NINJ2: variants seen among roughly 807,000 people sequenced by gnomAD.
NINJ2 encodes the protein ninjurin-2.
A neutral mutation model predicts 11.7 loss-of-function variants in NINJ2; 12 were observed. The ratio of observed to expected loss-of-function variants is 1.02; its 90% CI spans 0.66 to 1.66. NINJ2 has a LOEUF of 1.66. Among genes scored for constraint, NINJ2 ranks in the 40% most tolerant of loss-of-function variants. NINJ2 has a pLI of 0.00. For missense variants in NINJ2, 187 were observed against 181.8 expected (o/e 1.03, Z -0.16); for synonymous variants, 93 against 76.8 (o/e 1.21, Z -1.10).
intron 1 of NINJ2, among the ~76,000 whole-genome samples, chr12:629,984 T>C (rs889669980): frequency 6.8e-6 from 1 of 147,772 alleles, no homozygotes; most frequent in Non-Finnish European, 1.5e-5. Flanking sequence ...GTATTTTATG[T>C]GTGGGGCAAG....
intron 1 of NINJ2, chr12:610,247 G>GA: frequency 9.9e-7 from 1 of 1,008,372 alleles, no homozygotes; most frequent in South Asian, 1.4e-5. Context: ...TTGCGTGAGT[G>GA]AAACAGCCCC....
intron 1 of NINJ2, among the ~76,000 whole-genome samples, chr12:572,598 G>A (rs1177004240): frequency 6.6e-6 from 1 of 152,212 alleles, no homozygotes; most frequent in Non-Finnish European, 1.5e-5. Flanking sequence ...CACACTGTGT[G>A]CACACACAGT....
intron 1 of NINJ2, among the ~76,000 whole-genome samples, chr12:571,085 G>A (rs993124159): frequency 1.3e-5 from 2 of 152,172 alleles, no homozygotes; most frequent in Non-Finnish European, 2.9e-5. Context: ...CCCCTCCCCT[G>A]CCACTCAAGG....
intron 1 of NINJ2, among the ~76,000 whole-genome samples, chr12:624,365 T>C (rs1362635742): frequency 1.3e-5 from 2 of 152,250 alleles, no homozygotes; most frequent in African/African-American, 2.4e-5. Flanking sequence ...GTTAGGATAC[T>C]AGTGTATGGG....
At chr12:641,660 G>C (rs111292780) in intron 1 of NINJ2, among the ~76,000 whole-genome samples, 119 of 150,490 alleles carry the variant, frequency 7.9e-4, no homozygotes, top group African/African-American at 2.9e-3. Context: ...CTGGCTAACA[G>C]GGTGAAACCC....
At chr12:643,341 T>TGGGGA in intron 1 of NINJ2, 1 of 684,472 alleles carries the variant, frequency 1.5e-6, no homozygotes, top group Non-Finnish European at 1.8e-6. Flanking sequence ...CCGCGCCGGG[T>TGGGGA]GGGGAGGGGA....
At chr12:617,471 G>A (rs1948106709) in intron 1 of NINJ2, among the ~76,000 whole-genome samples, 1 of 152,208 alleles carries the variant, frequency 6.6e-6, no homozygotes, top group Non-Finnish European at 1.5e-5. Context: ...CACAACAGCT[G>A]ATGAGGCAAG....
At chr12:584,907 A>G (rs971514689) in intron 1 of NINJ2, among the ~76,000 whole-genome samples, 5 of 152,234 alleles carry the variant, frequency 3.3e-5, no homozygotes, top group East Asian at 1.9e-4. Context: ...CGGGTGGATC[A>G]GGAGTTCGAG....
intron 1 of NINJ2, among the ~76,000 whole-genome samples, chr12:590,380 G>A (rs1432283207): frequency 6.6e-6 from 1 of 152,214 alleles, no homozygotes; most frequent in East Asian, 1.9e-4. Flanking sequence ...GACTGGGTGA[G>A]CGATTGGATG....
At chr12:652,674 G>A (rs940495950) in intron 1 of NINJ2, among the ~76,000 whole-genome samples, 2 of 151,798 alleles carry the variant, frequency 1.3e-5, no homozygotes, top group African/African-American at 4.8e-5. Context: ...TCAGCCAGGC[G>A]TGGTGACTCA....
intron 1 of NINJ2, among the ~76,000 whole-genome samples, chr12:567,540 T>C (rs563447110): frequency 3.9e-5 from 6 of 152,318 alleles, no homozygotes; most frequent in African/African-American, 9.6e-5. Flanking sequence ...CGTGGATGAT[T>C]GGATAGGCAG....
chr12:620,157 G>A (rs374429221), intron 1 of NINJ2, among the ~76,000 whole-genome samples: 2 of 152,338 alleles, frequency 1.3e-5, no homozygotes, highest in East Asian at 3.9e-4. Flanking sequence ...GTATGGGAGT[G>A]GGAAACTGGA....
chr12:610,691 G>T (rs987778567), intron 1 of NINJ2: 6 of 903,292 alleles, frequency 6.6e-6, no homozygotes, highest in Non-Finnish European at 7.9e-6. Context: ...AGCAGAACTG[G>T]GCTATGACAA....
chr12:662,229 C>T (rs1937967526), intron 1 of NINJ2, among the ~76,000 whole-genome samples: 1 of 152,184 alleles, frequency 6.6e-6, no homozygotes, highest in African/African-American at 2.4e-5. Context: ...TGGGACCGCT[C>T]TCGGGGCTGG....
intron 1 of NINJ2, among the ~76,000 whole-genome samples, chr12:626,688 C>T (rs1051662152): frequency 2.0e-5 from 3 of 152,134 alleles, no homozygotes; most frequent in African/African-American, 7.2e-5. Context: ...TTCTCACTAG[C>T]TGACACGAGG....
chr12:629,704 A>G (rs1948248461), intron 1 of NINJ2, among the ~76,000 whole-genome samples: 1 of 151,024 alleles, frequency 6.6e-6, no homozygotes, highest in Non-Finnish European at 1.5e-5. Flanking sequence ...CCTGACCAAC[A>G]TGGAGAAACC....
intron 1 of NINJ2, among the ~76,000 whole-genome samples, chr12:641,985 C>G (rs1463291096): frequency 6.6e-6 from 1 of 152,198 alleles, no homozygotes; most frequent in Non-Finnish European, 1.5e-5. Flanking sequence ...CGGAACACCA[C>G]CTTTCGACAT....
At chr12:653,502 G>A (rs1336711766) in intron 1 of NINJ2, among the ~76,000 whole-genome samples, 1 of 151,722 alleles carries the variant, frequency 6.6e-6, no homozygotes, top group Non-Finnish European at 1.5e-5. Flanking sequence ...GGATTGTTTT[G>A]TTATCATAAG....
Position 566,008 on chromosome 12 carries a change from G to T in NINJ2, c.204C>A (p.Thr68=). 6.2e-7 allele frequency: 1 copy of T among 1,614,210 alleles called. No homozygotes were observed. ...PSSHYYTTLV[T]LISLSLLLQV... ...GCAGGAGCAGAGAGAGGCTGATGAG[G>T]GTGACCAGGGTGGTGTAGTAGTGAG... Residue 68 remains threonine (T), a synonymous_variant, in exon 2 of 4, where the codon ACC becomes ACA. Coordinates refer to ENST00000305108, the MANE Select transcript of NINJ2 (RefSeq NM_016533.6).
Sources: gnomAD v4.1 joint callset for allele counts (sites outside exome capture counted in the v4.1 genomes callset) on GRCh38, gnomAD v4.1.1 for gene constraint, MANE v1.5 for transcripts, NCBI Gene and HGNC (gene_info 2026-07-23, HGNC 2026-07-21) for gene names.